TBC1D2B: variants seen among roughly 807,000 people sequenced by gnomAD.
TBC1D2B encodes the protein TBC1 domain family member 2B, also known as TBC1 domain family, member 2B.
In TBC1D2B, 64 loss-of-function variants were observed where a neutral mutation model predicts 100.8. That is an observed-to-expected ratio of 0.64 (90% CI 0.52 to 0.78). The LOEUF (loss-of-function observed/expected upper bound fraction) is 0.78. Among genes scored for constraint, TBC1D2B ranks in the 30% least tolerant of loss-of-function variants. The pLI, the probability that TBC1D2B is intolerant of heterozygous loss-of-function variation, is 0.00. For missense variants in TBC1D2B, 1,052 were observed against 1,218.4 expected, an observed-to-expected ratio of 0.86 and a Z score of 2.03; for synonymous variants, 480 against 479.7, an observed-to-expected ratio of 1.00 and a Z score of -0.01.
At chr15:78,006,777 C>A (rs2141634579) in intron 10 of TBC1D2B, among the ~76,000 whole-genome samples, 1 of 152,312 alleles carries the variant, frequency 6.6e-6, no homozygotes, top group South Asian at 2.1e-4. Flanking sequence ...TGGCACGGGG[C>A]CAGGGCTCAG....
chr15:78,010,801 T>C (rs933739220), intron 9 of TBC1D2B, among the ~76,000 whole-genome samples: 2 of 152,160 alleles, frequency 1.3e-5, no homozygotes, highest in Non-Finnish European at 2.9e-5. Flanking sequence ...GCCATGAACA[T>C]GTACCAAATA....
intron 2 of TBC1D2B, among the ~76,000 whole-genome samples, chr15:78,048,682 C>T (rs2073250639): frequency 6.6e-6 from 1 of 152,250 alleles, no homozygotes; most frequent in African/African-American, 2.4e-5. Context: ...CAGTCTCAGC[C>T]TCCCTGGTCT....
intron 3 of TBC1D2B, among the ~76,000 whole-genome samples, chr15:78,031,554 CAAAAA>C (rs1225713046): frequency 0.023 from 1,241 of 54,962 alleles, 21 homozygotes; most frequent in Middle Eastern, 0.21. Flanking sequence ...ACTCTGTCTC[CAAAAA>C]AAAAAAAAAA....
intron 1 of TBC1D2B, among the ~76,000 whole-genome samples, chr15:78,075,508 T>C (rs1382354722): frequency 4.6e-5 from 7 of 152,206 alleles, no homozygotes; most frequent in Non-Finnish European, 7.4e-5. Flanking sequence ...AAAAAACTGA[T>C]AGAGTTCTAC....
At chr15:78,069,865 C>T (rs150166413) in intron 1 of TBC1D2B, among the ~76,000 whole-genome samples, 1 of 152,328 alleles carries the variant, frequency 6.6e-6, no homozygotes, top group East Asian at 1.9e-4. Context: ...CCTCACCAGA[C>T]ACCAAATCTG....
chr15:78,071,839 A>G (rs957608218), intron 1 of TBC1D2B, among the ~76,000 whole-genome samples: 4 of 152,198 alleles, frequency 2.6e-5, no homozygotes, highest in African/African-American at 9.6e-5. Context: ...CAAAAACACC[A>G]CAGACTAAGT....
intron 9 of TBC1D2B, 67 bp downstream of exon 9, chr15:78,012,756 G>T (rs887952461): frequency 7.3e-7 from 1 of 1,375,374 alleles, no homozygotes; most frequent in Non-Finnish European, 9.5e-7. Context: ...GGAGGGAGCT[G>T]CCAGGCAGCA....
intron 10 of TBC1D2B, among the ~76,000 whole-genome samples, chr15:78,005,357 T>C (rs1381288029): frequency 6.6e-6 from 1 of 152,186 alleles, no homozygotes; most frequent in African/African-American, 2.4e-5. Flanking sequence ...ATGGAAAAGC[T>C]GACAAGCATG....
rs1378907512 is a variant in TBC1D2B, at chr15:77,996,638, G to A, written c.*1522C>T. 5 of 152,254 alleles carry A rather than the reference G, an allele frequency of 3.3e-5. No individual in the cohort carries two copies. The highest frequency in any genetic ancestry group is 1.9e-4 in the East Asian group (1 of 5,208). The allele number at this position is 152,254 out of a possible 1,614,324, so 9.4% of individuals were successfully genotyped here. On this transcript the variant is annotated 3_prime_UTR_variant, in exon 13 of 13. Transcript: ENST00000300584. ...CATTAGTGGAGTTGGTTAAAGACAC[G>A]AAGCCGGAGCTCACTCTAGCATGTG... is the stretch of plus-strand genomic sequence containing the variant.
intron 1 of TBC1D2B, among the ~76,000 whole-genome samples, chr15:78,058,596 G>A (rs1483337804): frequency 1.3e-5 from 2 of 152,186 alleles, no homozygotes; most frequent in East Asian, 1.9e-4. Flanking sequence ...AGTTCCCTCC[G>A]CTGAGCCTCA....
intron 9 of TBC1D2B, among the ~76,000 whole-genome samples, chr15:78,012,493 A>G (rs536037149): frequency 6.6e-6 from 1 of 152,364 alleles, no homozygotes; most frequent in Admixed American, 6.5e-5. Flanking sequence ...GGTGACCACC[A>G]ATTTCCACTC....
chr15:78,066,169 C>G (rs910791779), intron 1 of TBC1D2B: 1 of 445,174 alleles, frequency 2.2e-6, no homozygotes, highest in Admixed American at 2.4e-5. Flanking sequence ...CCACCATGAT[C>G]AGCAAAGGGG....
chr15:78,027,588 A>T (rs1344339299), intron 4 of TBC1D2B, among the ~76,000 whole-genome samples: 4 of 152,196 alleles, frequency 2.6e-5, no homozygotes, highest in Non-Finnish European at 5.9e-5. Flanking sequence ...AAGGGGATGA[A>T]GGGTTAGGCA....
chr15:78,073,807 T>C (rs969697049), intron 1 of TBC1D2B, among the ~76,000 whole-genome samples: 1 of 151,798 alleles, frequency 6.6e-6, no homozygotes, highest in Non-Finnish European at 1.5e-5. Context: ...CCGTCTCTAC[T>C]AAAAATACAA....
At chr15:78,044,858 C>T in intron 3 of TBC1D2B, 42 bp downstream of exon 3, 5 of 1,509,460 alleles carry the variant, frequency 3.3e-6, no homozygotes, top group Non-Finnish European at 4.5e-6. Context: ...TTATCAGAAA[C>T]AACCCATTTT....
chr15:78,031,922 T>C (rs1321502875), intron 3 of TBC1D2B, among the ~76,000 whole-genome samples: 1 of 152,160 alleles, frequency 6.6e-6, no homozygotes, highest in Non-Finnish European at 1.5e-5. Flanking sequence ...TGGAGACAGT[T>C]TCCAGGCCAG....
In TBC1D2B at chr15:78,054,202, G is replaced by T; in HGVS notation, c.361-15C>A. The T allele has an allele frequency of 6.2e-7, 1 of 1,606,128 alleles. No homozygotes were observed. ...CGATTGGGAGCCTAGAAAGAGGGAG[G>T]GGAAAAACATGTTATGGCCACCAGT... is the stretch of plus-strand genomic sequence containing the variant. On this transcript the variant is annotated splice_polypyrimidine_tract_variant and intron_variant, in intron 1 of 12. Coordinates refer to ENST00000300584, the MANE Select transcript of TBC1D2B (RefSeq NM_144572.2).
chr15:78,036,443 C>A (rs987502614), intron 3 of TBC1D2B, among the ~76,000 whole-genome samples: 1 of 152,104 alleles, frequency 6.6e-6, no homozygotes, highest in Non-Finnish European at 1.5e-5. Context: ...GGTGATTAGG[C>A]CATGAAGGCT....
At chr15:78,008,312 C>T (rs2072123551) in intron 10 of TBC1D2B, among the ~76,000 whole-genome samples, 2 of 152,238 alleles carry the variant, frequency 1.3e-5, no homozygotes, top group African/African-American at 4.8e-5. Context: ...CTCAGACTCC[C>T]ACTGCAGGAG....
Sources: allele counts gnomAD v4.1 joint callset (sites outside exome capture counted in the v4.1 genomes callset), GRCh38; gene constraint gnomAD v4.1.1; transcripts MANE v1.5; gene names NCBI Gene and HGNC (gene_info 2026-07-23, HGNC 2026-07-21).